RARB: variants seen among roughly 807,000 people sequenced by gnomAD.
The protein encoded by RARB is HBV-activated protein.
Under a neutral mutation model 51.9 loss-of-function variants are expected in RARB, and 17 were observed. The observed-to-expected ratio is 0.33, with a 90% CI of 0.22 to 0.49. The LOEUF is 0.49. Ranked by LOEUF, RARB falls within the 20% of genes least tolerant of loss-of-function variation. The pLI is 0.99. For synonymous variants in RARB, 215 were observed against 195.4 expected (o/e 1.10, Z -0.84); for missense variants, 369 against 550.8 (o/e 0.67, Z 3.30).
chr3:25,128,242 C>A (rs1470750200), intron 3 of RARB, among the ~76,000 whole-genome samples: 2 of 152,020 alleles, frequency 1.3e-5, no homozygotes, highest in South Asian at 2.1e-4. Flanking sequence ...TAAGTCAAAT[C>A]TTGGCTTAGT....
chr3:25,238,151 C>T (rs889593447), intron 5 of RARB, among the ~76,000 whole-genome samples: 3 of 151,298 alleles, frequency 2.0e-5, no homozygotes, highest in East Asian at 3.9e-4. Context: ...TCCTCCAGCG[C>T]CCCCCCACAC....
intron 5 of RARB, among the ~76,000 whole-genome samples, chr3:25,387,081 G>T (rs1706817020): frequency 1.3e-5 from 2 of 152,190 alleles, no homozygotes; most frequent in South Asian, 4.1e-4. Context: ...AAATGCATCT[G>T]TTAGCAATTG....
At chr3:25,075,492 G>A (rs898695679) in intron 3 of RARB, among the ~76,000 whole-genome samples, 18 of 152,102 alleles carry the variant, frequency 1.2e-4, no homozygotes, top group African/African-American at 4.3e-4. Flanking sequence ...GTCCCTACTT[G>A]GATGTGCATT....
chr3:25,048,114 T>C (rs1698254017), intron 2 of RARB, among the ~76,000 whole-genome samples: 2 of 152,240 alleles, frequency 1.3e-5, no homozygotes, highest in Admixed American at 1.3e-4. Context: ...GTGAGTCCAC[T>C]ATAAACCTCT....
At chr3:24,875,633 GAAAGTTAC>G (rs1319538272) in intron 2 of RARB, among the ~76,000 whole-genome samples, 1 of 151,958 alleles carries the variant, frequency 6.6e-6, no homozygotes, top group Non-Finnish European at 1.5e-5. Flanking sequence ...CTATTTTCAG[GAAAGTTAC>G]AAAGATATTT....
In RARB at chr3:24,885,426, T is replaced by C. The variant is rs549551620; in HGVS notation, c.-380+26674T>C. ...GATTGAACAAAATGAGTTTTAATGT[T>C]GCTGTAAACCTTGAGAATCTGTGGT... On this transcript the variant is annotated intron_variant, in intron 2 of 11. Transcript: ENST00000383772. 1.2e-4 allele frequency among the ~76,000 whole-genome samples: 18 copies of C among 152,316 alleles called. No homozygotes were observed. The South Asian group carries it at 3.7e-3, about 32-fold the overall frequency.
chr3:24,864,717 T>C (rs1225956241), intron 2 of RARB, among the ~76,000 whole-genome samples: 1 of 71,030 alleles, frequency 1.4e-5, no homozygotes, highest in Non-Finnish European at 2.5e-5. Flanking sequence ...TATTATTTTT[T>C]AAGTATTTTT....
intron 2 of RARB, among the ~76,000 whole-genome samples, chr3:25,468,199 G>C (rs1290008174): frequency 6.6e-6 from 1 of 152,108 alleles, no homozygotes; most frequent in Non-Finnish European, 1.5e-5. Flanking sequence ...TTTGAACCCA[G>C]TACCATGTCA....
chr3:24,946,726 C>A lies in RARB; in HGVS notation c.-380+87974C>A, dbSNP rs566728828. ...TTTACAAAAAATAGATAAAACTTAG[C>A]CAGATGTGGTACACCTGTAGTCCCA... is the stretch of plus-strand genomic sequence containing the variant. On this transcript the variant is annotated intron_variant, in intron 2 of 11. Coordinates refer to the RARB transcript ENST00000383772. Among the ~76,000 whole-genome samples the A allele has an allele frequency of 2.0e-5, 3 of 152,042 alleles. No individual in the cohort carries two copies. In the South Asian group the frequency reaches 6.2e-4, roughly 32 times the overall value.
chr3:24,939,320 T>A (rs941063928), intron 2 of RARB, among the ~76,000 whole-genome samples: 4 of 152,238 alleles, frequency 2.6e-5, no homozygotes, highest in African/African-American at 9.6e-5. Context: ...TTCAATTCTT[T>A]CTAGCATATC....
intron 2 of RARB, among the ~76,000 whole-genome samples, chr3:24,950,969 CTG>C (rs372136869): frequency 4.7e-4 from 71 of 152,266 alleles, no homozygotes; most frequent in African/African-American, 1.5e-3. Flanking sequence ...GAGGGTTTTT[CTG>C]TGTGTCACCA....
chr3:25,058,569 A>G (rs1194434121), intron 2 of RARB, among the ~76,000 whole-genome samples: 1 of 151,170 alleles, frequency 6.6e-6, no homozygotes, highest in Non-Finnish European at 1.5e-5. Context: ...TACAGTTATT[A>G]CAACTTATTA....
intron 1 of RARB, among the ~76,000 whole-genome samples, chr3:24,857,047 G>A (rs1001289077): frequency 6.6e-6 from 1 of 152,088 alleles, no homozygotes; most frequent in Non-Finnish European, 1.5e-5. Flanking sequence ...ACTGGAGCTG[G>A]AAGCACCAAA....
At chr3:25,047,250 G>A (rs897530367) in intron 2 of RARB, among the ~76,000 whole-genome samples, 1 of 152,090 alleles carries the variant, frequency 6.6e-6, no homozygotes, top group Non-Finnish European at 1.5e-5. Context: ...GATTAGAATG[G>A]CAAATGGTGA....
intron 2 of RARB, among the ~76,000 whole-genome samples, chr3:25,493,784 A>C (rs938883652): frequency 1.3e-5 from 2 of 152,158 alleles, no homozygotes; most frequent in Admixed American, 6.5e-5. Context: ...TATAGTGCCA[A>C]ATTGCCTTTA....
chr3:25,032,762 G>A (rs927516125), intron 2 of RARB, among the ~76,000 whole-genome samples: 1 of 152,176 alleles, frequency 6.6e-6, no homozygotes, highest in Non-Finnish European at 1.5e-5. Context: ...AATTGCAACT[G>A]AACCCACCCT....
intron 5 of RARB, among the ~76,000 whole-genome samples, chr3:25,248,325 C>A (rs1698479356): frequency 6.6e-6 from 1 of 152,038 alleles, no homozygotes; most frequent in South Asian, 2.1e-4. Flanking sequence ...ATTCATTTAG[C>A]CACTCTATCC....
At chr3:25,539,581 C>CTTTTTTTTTTTTTTTTTTT (rs34726255) in intron 3 of RARB, among the ~76,000 whole-genome samples, 1 of 104,000 alleles carries the variant, frequency 9.6e-6, no homozygotes, top group African/African-American at 3.7e-5. Context: ...CCCTTTATTT[C>CTTTTTTTTTTTTTTTTTTT]TTTTTTTTTT....
chr3:25,249,038 A>C (rs1417057412), intron 5 of RARB, among the ~76,000 whole-genome samples: 1 of 151,884 alleles, frequency 6.6e-6, no homozygotes, highest in Non-Finnish European at 1.5e-5. Flanking sequence ...TGTGTCTTTC[A>C]TTTTCTCTTT....
Sources: allele counts gnomAD v4.1 joint callset (sites outside exome capture counted in the v4.1 genomes callset), GRCh38; gene constraint gnomAD v4.1.1; transcripts MANE v1.5; gene names NCBI Gene and HGNC (gene_info 2026-07-23, HGNC 2026-07-21).